Variants in ADCY5 observed in about 807,000 individuals in gnomAD.
ADCY5 encodes adenylate cyclase 5, also known as adenylate cyclase type 5.
In ADCY5, 30 loss-of-function variants were observed where a neutral mutation model predicts 119.7. That is an observed-to-expected ratio of 0.25 (90% confidence interval 0.19 to 0.34). The LOEUF is 0.34. ADCY5 is among the 10% of genes least tolerant of loss of function. ADCY5 has a pLI of 1.00. For missense variants in ADCY5, 1,324 were observed against 1,775.2 expected, an observed-to-expected ratio of 0.75 and a Z score of 4.57; for synonymous variants, 753 against 762.2, an observed-to-expected ratio of 0.99 and a Z score of 0.20.
chr3:123,358,195 T>TGTGTGTGTGGGTGA (rs58986112), intron 1 of ADCY5, among the ~76,000 whole-genome samples: 1 of 149,080 alleles, frequency 6.7e-6, no homozygotes, highest in African/African-American at 2.5e-5. Context: ...TGTGTGTGTG[T>TGTGTGTGTGGGTGA]AGGGAGTTGG....
intron 8 of ADCY5, among the ~76,000 whole-genome samples, chr3:123,321,534 AGGGGTGGAATCTCAGAGGTGGTGC>A (rs1941218189): frequency 6.6e-6 from 1 of 151,994 alleles, no homozygotes; most frequent in Non-Finnish European, 1.5e-5. Flanking sequence ...CACTGTGGGG[AGGGGTGGAATCTCAGAGGTGGTGC>A]GGAAGGTGAC....
intron 1 of ADCY5, among the ~76,000 whole-genome samples, chr3:123,383,437 T>C (rs1944102120): frequency 6.6e-6 from 1 of 152,190 alleles, no homozygotes; most frequent in Admixed American, 6.5e-5. Context: ...ATGTGGCAAC[T>C]GTCAAGGCTT....
chr3:123,300,428 C>A, intron 14 of ADCY5, 133 bp from the exon 15 acceptor site: 1 of 1,059,068 alleles, frequency 9.4e-7, no homozygotes, highest in Non-Finnish European at 1.3e-6. Context: ...GTAAATTTCC[C>A]AACAGGTGTG....
chr3:123,398,033 C>T (rs1420089650), intron 1 of ADCY5, among the ~76,000 whole-genome samples: 2 of 152,180 alleles, frequency 1.3e-5, no homozygotes, highest in South Asian at 2.1e-4. Flanking sequence ...AAGCTGCTCG[C>T]GGGTGTCTTG....
At chr3:123,346,463 G>A (rs1942556385) in intron 3 of ADCY5, among the ~76,000 whole-genome samples, 2 of 152,280 alleles carry the variant, frequency 1.3e-5, no homozygotes, top group Middle Eastern at 6.8e-3. Context: ...TAAAGGCTTA[G>A]AGTCTCAGTT....
intron 3 of ADCY5, among the ~76,000 whole-genome samples, chr3:123,344,917 C>T (rs757959257): frequency 1.3e-5 from 2 of 152,228 alleles, no homozygotes; most frequent in Non-Finnish European, 2.9e-5. Flanking sequence ...TCAGAATCGT[C>T]TCTGTCCCCA....
At chr3:123,313,015 C>A (rs867356834) in intron 12 of ADCY5, among the ~76,000 whole-genome samples, 1 of 151,970 alleles carries the variant, frequency 6.6e-6, no homozygotes, top group Non-Finnish European at 1.5e-5. Flanking sequence ...AGGCAGGGAA[C>A]CAGCTAACGT....
intron 7 of ADCY5, among the ~76,000 whole-genome samples, chr3:123,326,173 A>G (rs1941474706): frequency 1.3e-5 from 2 of 152,252 alleles, no homozygotes; most frequent in African/African-American, 4.8e-5. Flanking sequence ...CCGGGGCCCA[A>G]GAGGCCACTT....
chr3:123,385,535 G>A (rs1347543609), intron 1 of ADCY5, among the ~76,000 whole-genome samples: 1 of 152,136 alleles, frequency 6.6e-6, no homozygotes, highest in African/African-American at 2.4e-5. Flanking sequence ...GGTGAGACAG[G>A]GGTGTGTACA....
At chr3:123,392,458 G>C (rs1042702564) in intron 1 of ADCY5, among the ~76,000 whole-genome samples, 1 of 151,536 alleles carries the variant, frequency 6.6e-6, no homozygotes, top group African/African-American at 2.4e-5. Flanking sequence ...GGCAGCACAG[G>C]TTAGGCAGTG....
At chr3:123,333,196 C>T (rs1428093038) in intron 3 of ADCY5, among the ~76,000 whole-genome samples, 1 of 152,224 alleles carries the variant, frequency 6.6e-6, no homozygotes, top group East Asian at 1.9e-4. Context: ...TTGCTTTCTG[C>T]TCACCACTTC....
chr3:123,415,692 G>T (rs752985843), intron 1 of ADCY5, among the ~76,000 whole-genome samples: 8 of 152,132 alleles, frequency 5.3e-5, no homozygotes, highest in Admixed American at 1.3e-4. Context: ...AATCTGGTGC[G>T]CCTTCTTACT....
At chr3:123,370,374 C>G (rs74743386) in intron 1 of ADCY5, among the ~76,000 whole-genome samples, 1,834 of 152,366 alleles carry the variant, frequency 0.012, 27 homozygotes, top group African/African-American at 0.04. Context: ...TACACAGTCA[C>G]TGGGCACATG....
At chr3:123,338,266 C>T (rs1013094537) in intron 3 of ADCY5, among the ~76,000 whole-genome samples, 2 of 152,186 alleles carry the variant, frequency 1.3e-5, no homozygotes, top group Non-Finnish European at 2.9e-5. Context: ...TGCGGAAACC[C>T]AGGCAAGGTT....
At chr3:123,383,948 T>C (rs60496964) in intron 1 of ADCY5, among the ~76,000 whole-genome samples, 70,388 of 148,622 alleles carry the variant, frequency 0.47, 17,276 homozygotes, top group East Asian at 0.68. Flanking sequence ...CACACCCTTC[T>C]GCAAGGCACG....
chr3:123,415,549 C>T (rs1038682678), intron 1 of ADCY5, among the ~76,000 whole-genome samples: 5 of 152,116 alleles, frequency 3.3e-5, no homozygotes, highest in South Asian at 2.1e-4. Flanking sequence ...TCTGCGGGAC[C>T]GTTTAGAAAA....
In ADCY5 at chr3:123,289,914, T is replaced by C. The variant is rs926869817; in HGVS notation, c.3368A>G (p.Lys1123Arg). 1 of 1,614,208 alleles carries C rather than the reference T, an allele frequency of 6.2e-7. No homozygotes were observed. The highest frequency in any genetic ancestry group is 1.3e-5 in the African/African-American group (1 of 75,058). Reference sequence around the variant, plus strand: ...AGCCATGTAGGTGCTGCCGATGGTCTTGATCTTCTCCAGCTGCCGGAACCG... The same window carrying C: ...AGCCATGTAGGTGCTGCCGATGGTCCTGATCTTCTCCAGCTGCCGGAACCG... ...EDRFRQLEKI[K>R]TIGSTYMAAS... is the part of the protein sequence containing the mutation. The change falls in exon 19 of 21, where the codon AAG (lysine) becomes AGG (arginine). Residue 1123 changes from lysine (K) to arginine (R), a missense_variant. Lys to Arg is a conservative substitution (Grantham distance 26, BLOSUM62 2). This residue lies in a region of ADCY5 where 178 missense variants were observed against 329.6 expected (regional missense o/e 0.54). Coordinates refer to ENST00000462833, the MANE Select transcript of ADCY5 (RefSeq NM_183357.3).
At position 123,352,059 on chromosome 3, in the gene ADCY5, G is replaced by T. The variant is rs1361553844; in HGVS notation, c.1284+373C>A. On this transcript the variant is annotated intron_variant, in intron 2 of 20. Coordinates refer to ENST00000462833, the MANE Select transcript of ADCY5 (RefSeq NM_183357.3). This position sits in a 1 kb window ranked among gnomAD's most constrained non-coding sequence, Gnocchi z 4.8. ...ACCTTAATCCCAGTTAGGAATGCTGGCTTCTCTCCTTACTCCAACTCAAGG... is the reference window on the plus strand; with the variant it reads ...ACCTTAATCCCAGTTAGGAATGCTGTCTTCTCTCCTTACTCCAACTCAAGG... Among the ~76,000 whole-genome samples the T allele has an allele frequency of 1.3e-5, 2 of 152,182 alleles. No individual in the cohort carries two copies. Among genetic ancestry groups the T allele is most frequent in the Admixed American group, 1.3e-4 (2 of 15,286 alleles).
chr3:123,323,132 C>T (rs948347642), intron 8 of ADCY5, among the ~76,000 whole-genome samples: 2 of 152,258 alleles, frequency 1.3e-5, no homozygotes, highest in African/African-American at 4.8e-5. Context: ...GCAGCCCCCT[C>T]AGGGGACACC....
Sources: allele counts gnomAD v4.1 joint callset (sites outside exome capture counted in the v4.1 genomes callset), GRCh38; gene constraint gnomAD v4.1.1; regional missense constraint gnomAD v4.1.1; non-coding constraint Gnocchi (gnomAD v3.1); transcripts MANE v1.5; gene names NCBI Gene and HGNC (gene_info 2026-07-23, HGNC 2026-07-21).